MAML3: variants seen among roughly 807,000 people sequenced by gnomAD.
MAML3 encodes the protein mastermind like transcriptional coactivator 3.
Under a neutral mutation model 101.9 loss-of-function variants are expected in MAML3, and 27 were observed. The ratio of observed to expected loss-of-function variants is 0.27; its 90% CI spans 0.20 to 0.37. The LOEUF is 0.37. Among genes scored for constraint, MAML3 ranks in the 10% least tolerant of loss-of-function variants. MAML3 has a pLI of 1.00. For missense variants in MAML3, 1,316 were observed against 1,444.9 expected, an observed-to-expected ratio of 0.91 and a Z score of 1.45; for synonymous variants, 501 against 555.9, an observed-to-expected ratio of 0.90 and a Z score of 1.39.
intron 1 of MAML3, 145 bp from the exon 2 acceptor site, chr4:139,891,112 G>A (rs1732487301): frequency 1.0e-6 from 1 of 955,944 alleles, no homozygotes; most frequent in Admixed American, 2.9e-5. Context: ...TCAAAATCAG[G>A]CAACGCTGCA....
rs1578650063 is a variant in MAML3 at position 139,890,626 on chromosome 4, C to A, written c.810G>T (p.Gln270His). 1 of 1,613,960 alleles carries A rather than the reference C, an allele frequency of 6.2e-7. No individual in the cohort carries two copies. Among genetic ancestry groups the A allele is most frequent in the South Asian group, 1.1e-5 (1 of 91,080 alleles). The change falls in exon 2 of 5, where the codon CAG becomes CAT. Residue 270 changes from glutamine (Q) to histidine (H), a missense_variant. Coordinates refer to ENST00000509479, the MANE Select transcript of MAML3 (RefSeq NM_018717.5). This position sits in a 1 kb window ranked among gnomAD's most constrained non-coding sequence, Gnocchi z 4.1. The stretch of plus-strand genomic sequence containing the variant: ...GAGGTTCTTGTTTGAGGTCTTTGCT[C>A]TGCAAGATGGTGAAGCTATCCTCCA... ...SDLEDSFTIL[Q>H]SKDLKQEPLD...
At position 139,890,503 on chromosome 4, in the gene MAML3, T is replaced by C. The variant is rs1236411750; in HGVS notation, c.933A>G (p.Glu311=). 2.5e-6 allele frequency: 4 copies of C among 1,613,934 alleles called. No individual in the cohort carries two copies. The Admixed American group carries it at 6.7e-5, about 27-fold the overall frequency. The change falls in exon 2 of 5, where the codon GAA becomes GAG. Residue 311 remains glutamate, a synonymous_variant. Coordinates refer to ENST00000509479, the MANE Select transcript of MAML3 (RefSeq NM_018717.5). This position sits in a 1 kb window ranked among gnomAD's most constrained non-coding sequence, Gnocchi z 4.1. ...CCGTGTTGGCCAATTCATCTATTAATTCTTGCCACTCCTGATCATTCAGAT... is the reference window on the plus strand; with the variant it reads ...CCGTGTTGGCCAATTCATCTATTAACTCTTGCCACTCCTGATCATTCAGAT... ...DINLNDQEWQ[E]LIDELANTVP...
chr4:140,152,802 C>A, intron 1 of MAML3, 58 bp downstream of exon 1: 3 of 1,563,566 alleles, frequency 1.9e-6, no homozygotes, highest in South Asian at 2.4e-5. Flanking sequence ...CCACGCGCCC[C>A]CCACCACCAC....
intron 1 of MAML3, among the ~76,000 whole-genome samples, chr4:140,090,706 G>T (rs1349922067): frequency 6.6e-6 from 1 of 152,230 alleles, no homozygotes; most frequent in Non-Finnish European, 1.5e-5. Context: ...TTCGTGGAGA[G>T]TCTGTGGCTA....
chr4:139,922,465 C>T (rs911268879), intron 1 of MAML3, among the ~76,000 whole-genome samples: 2 of 151,534 alleles, frequency 1.3e-5, no homozygotes, highest in African/African-American at 4.8e-5. Flanking sequence ...TAACCTCAAG[C>T]TAATGATACC....
At chr4:140,116,351 T>C (rs565841935) in intron 1 of MAML3, among the ~76,000 whole-genome samples, 43 of 152,308 alleles carry the variant, frequency 2.8e-4, no homozygotes, top group Non-Finnish European at 2.4e-4. Flanking sequence ...GGGAATCAGC[T>C]CCTATTCAGG....
intron 1 of MAML3, among the ~76,000 whole-genome samples, chr4:139,973,364 A>ATTGTT (rs1212803246): frequency 6.6e-6 from 1 of 152,226 alleles, no homozygotes; most frequent in Non-Finnish European, 1.5e-5. Flanking sequence ...ACTTCAGTCC[A>ATTGTT]TTGTTTAGGT....
intron 2 of MAML3, among the ~76,000 whole-genome samples, chr4:139,768,221 G>GTTGT (rs1553955180): frequency 5.8e-5 from 5 of 86,924 alleles, no homozygotes; most frequent in Non-Finnish European, 9.7e-5. Flanking sequence ...TCTGTTGATA[G>GTTGT]TTGTGTGTGT....
intron 1 of MAML3, among the ~76,000 whole-genome samples, chr4:139,958,366 G>A (rs146638205): frequency 1.3e-5 from 2 of 152,132 alleles, no homozygotes; most frequent in Non-Finnish European, 2.9e-5. Flanking sequence ...TGTAACCTAT[G>A]TTCAAAAGAC....
chr4:139,910,223 T>G (rs72712521), intron 1 of MAML3, among the ~76,000 whole-genome samples: 1 of 152,250 alleles, frequency 6.6e-6, no homozygotes, highest in Non-Finnish European at 1.5e-5. Flanking sequence ...TTGTTAGAAA[T>G]CCAAATTATC....
At chr4:139,827,650 A>G (rs924145041) in intron 2 of MAML3, among the ~76,000 whole-genome samples, 1 of 152,236 alleles carries the variant, frequency 6.6e-6, no homozygotes, top group Non-Finnish European at 1.5e-5. Context: ...GAATACTAAT[A>G]GTAATCTAAT....
intron 1 of MAML3, among the ~76,000 whole-genome samples, chr4:139,973,626 G>T (rs538578209): frequency 6.6e-6 from 1 of 152,178 alleles, no homozygotes; most frequent in African/African-American, 2.4e-5. Context: ...CTTGGTCAAA[G>T]GATAAATGAG....
chr4:140,037,872 C>CT (rs1727011673), intron 1 of MAML3, among the ~76,000 whole-genome samples: 1 of 152,240 alleles, frequency 6.6e-6, no homozygotes, highest in Non-Finnish European at 1.5e-5. Context: ...AGCTACACTG[C>CT]TCTGCTGTAT....
At chr4:139,810,246 G>A (rs1425192324) in intron 2 of MAML3, among the ~76,000 whole-genome samples, 1 of 144,298 alleles carries the variant, frequency 6.9e-6, no homozygotes, top group Non-Finnish European at 1.5e-5. Context: ...AGGCTGGAGT[G>A]CAGTGGCCCC....
At position 140,124,917 on chromosome 4, in the gene MAML3, T is replaced by A. The variant is rs143508658; in HGVS notation, c.468+27943A>T. On this transcript the variant is annotated intron_variant, in intron 1 of 4. Transcript: ENST00000509479. ...CAAGCCTCACAGGCAAATACCCAGA[T>A]GATAGAGGCCCTATATCCAATGCCA... Among the ~76,000 whole-genome samples, 1,193 of 152,296 alleles carry A rather than the reference T, an allele frequency of 7.8e-3. 23 individuals are homozygous for A. The highest frequency in any genetic ancestry group is 0.027 in the African/African-American group (1,132 of 41,546).
chr4:140,099,676 AAAATT>A (rs1164074079), intron 1 of MAML3, among the ~76,000 whole-genome samples: 2 of 152,222 alleles, frequency 1.3e-5, no homozygotes, highest in Non-Finnish European at 2.9e-5. Context: ...GATTTTGGTG[AAAATT>A]AAATTAGATA....
intron 1 of MAML3, among the ~76,000 whole-genome samples, chr4:139,965,770 T>G (rs1304215974): frequency 6.6e-6 from 1 of 152,184 alleles, no homozygotes; most frequent in Non-Finnish European, 1.5e-5. Flanking sequence ...TTTATTTTAT[T>G]TTTAGAGAAA....
chr4:139,725,659 AATAC>A (rs1226575185), intron 4 of MAML3, 88 bp downstream of exon 4: 1 of 1,254,362 alleles, frequency 8.0e-7, no homozygotes, highest in African/African-American at 1.5e-5. Flanking sequence ...CCTGGACACA[AATAC>A]AGCCAGTAAG....
intron 1 of MAML3, among the ~76,000 whole-genome samples, chr4:139,900,855 C>CTG (rs2111211583): frequency 6.6e-6 from 1 of 152,300 alleles, no homozygotes; most frequent in African/African-American, 2.4e-5. Flanking sequence ...GCTAACCAGC[C>CTG]AGGCATTGAG....
Sources: allele counts gnomAD v4.1 joint callset (sites outside exome capture counted in the v4.1 genomes callset), GRCh38; gene constraint gnomAD v4.1.1; non-coding constraint Gnocchi (gnomAD v3.1); transcripts MANE v1.5; gene names NCBI Gene and HGNC (gene_info 2026-07-23, HGNC 2026-07-21).